TENM1: variants seen among roughly 807,000 people sequenced by gnomAD.
TENM1 encodes the protein teneurin-1.
TENM1 carries 35 observed loss-of-function variants against 174.8 expected under a neutral mutation model. The observed-to-expected ratio is 0.20, with a 90% CI of 0.15 to 0.27. The LOEUF (loss-of-function observed/expected upper bound fraction) is 0.27, where lower values mean the gene tolerates loss of function less well. Ranked by LOEUF, TENM1 falls within the 10% of genes least tolerant of loss-of-function variation. The pLI is 1.00. For missense variants in TENM1, 1,633 were observed against 2,130.1 expected (o/e 0.77, Z 4.59); for synonymous variants, 781 against 798.7 (o/e 0.98, Z 0.37).
the TENM1 span, among the ~76,000 whole-genome samples, chrX:125,200,563 T>C: frequency 1.6e-3 from 180 of 110,001 alleles, 1 homozygote; most frequent in Non-Finnish European, 1.8e-3. Flanking sequence ...AACAAATATA[T>C]ATAATTTTAA....
chrX:124,475,651 C>T (rs1183641124), intron 22 of TENM1, among the ~76,000 whole-genome samples: 1 of 111,872 alleles, frequency 8.9e-6, no homozygotes, highest in Admixed American at 9.5e-5. Context: ...TACTCTCTGG[C>T]TTCCTGGACA....
At chrX:124,384,917 T>A (rs1484946511) in intron 29 of TENM1, 63 bp from the exon 33 acceptor site, 46 of 1,036,463 alleles carry the variant, frequency 4.4e-5, no homozygotes, top group Non-Finnish European at 6.0e-5. Context: ...GTCAGAAAGG[T>A]CTAGTGTTAT....
chrX:124,751,515 A>T (rs2054067305), intron 3 of TENM1, among the ~76,000 whole-genome samples: 1 of 110,287 alleles, frequency 9.1e-6, no homozygotes. Context: ...TTATACTTTA[A>T]GTTTTAGGGT....
At chrX:124,978,015 AGAGAGAG>A in the TENM1 span, among the ~76,000 whole-genome samples, 5 of 87,340 alleles carry the variant, frequency 5.7e-5, no homozygotes, top group Non-Finnish European at 8.8e-5. Flanking sequence ...AGAGAGAGAG[AGAGAGAG>A]ATCTTTTTCC....
exon 4 of TENM1, chrX:124,737,080 C>T: frequency 1.7e-6 from 2 of 1,211,370 alleles, no homozygotes; most frequent in Non-Finnish European, 2.2e-6. Flanking sequence ...CATTGATCTC[C>T]TCTGAAGAGA....
chrX:124,415,828 A>G (rs1057257777), intron 25 of TENM1, among the ~76,000 whole-genome samples: 2 of 111,824 alleles, frequency 1.8e-5, no homozygotes, highest in African/African-American at 6.5e-5. Context: ...GCCTGCATCA[A>G]TGTGATGCCA....
chrX:125,152,967 T>C, the TENM1 span, among the ~76,000 whole-genome samples: 1 of 111,987 alleles, frequency 8.9e-6, no homozygotes, highest in Non-Finnish European at 1.9e-5. Flanking sequence ...CTTAGTAATA[T>C]TCAGTTACCG....
chrX:124,455,358 C>T (rs2061093430), intron 22 of TENM1, among the ~76,000 whole-genome samples: 1 of 111,900 alleles, frequency 8.9e-6, no homozygotes, highest in Non-Finnish European at 1.9e-5. Context: ...TTATTTTAAT[C>T]TCCAGAACAT....
rs763355830 is a variant in TENM1, at chrX:124,467,892, A to G, written c.3949+13840T>C. Reference sequence around the variant, plus strand: ...TTCCGCCTCAGCCTCCCGAGTAGCTAGGATTACAGGCACACGCCACCATGC... The same window carrying G: ...TTCCGCCTCAGCCTCCCGAGTAGCTGGGATTACAGGCACACGCCACCATGC... On this transcript the variant is annotated intron_variant, in intron 22 of 31. Coordinates refer to ENST00000422452, the Ensembl canonical transcript of TENM1. Among the ~76,000 whole-genome samples the G allele has an allele frequency of 6.4e-5, 7 of 109,156 alleles. No individual in the cohort carries two copies. The East Asian group carries it at 1.5e-3, about 23-fold the overall frequency. 94.8% of individuals were successfully genotyped at this position (109,156 alleles called of 115,157 possible).
At chrX:125,137,360 T>C in the TENM1 span, among the ~76,000 whole-genome samples, 4 of 109,639 alleles carry the variant, frequency 3.6e-5, no homozygotes, top group East Asian at 1.2e-3. Context: ...TAAAAAGCAA[T>C]AAAAACATTT....
intron 5 of TENM1, among the ~76,000 whole-genome samples, chrX:124,682,811 A>T (rs1431149974): frequency 1.8e-5 from 2 of 111,174 alleles, no homozygotes; most frequent in Non-Finnish European, 3.8e-5. Flanking sequence ...CAAAATTGTC[A>T]ATGTCATCTA....
At chrX:124,651,030 CAT>C (rs1251599792) in intron 8 of TENM1, among the ~76,000 whole-genome samples, 1 of 112,185 alleles carries the variant, frequency 8.9e-6, no homozygotes, top group Non-Finnish European at 1.9e-5. Flanking sequence ...TCTTCCTAAA[CAT>C]ATGGCTGAAC....
At chrX:124,600,938 T>C (rs2050012453) in intron 11 of TENM1, among the ~76,000 whole-genome samples, 1 of 111,953 alleles carries the variant, frequency 8.9e-6, no homozygotes, top group African/African-American at 3.2e-5. Context: ...ACATTAGTAA[T>C]GTATGAATGT....
chrX:124,739,757 T>G (rs1467722355), intron 3 of TENM1, among the ~76,000 whole-genome samples: 1 of 112,458 alleles, frequency 8.9e-6, no homozygotes, highest in African/African-American at 3.2e-5. Context: ...ATAGACTGCA[T>G]GTTTCTTAGA....
intron 16 of TENM1, among the ~76,000 whole-genome samples, chrX:124,527,878 G>A (rs2048017541): frequency 9.9e-6 from 1 of 101,476 alleles, no homozygotes; most frequent in South Asian, 4.7e-4. Flanking sequence ...GGACAGTCTC[G>A]ATCTCCTGAC....
intron 3 of TENM1, among the ~76,000 whole-genome samples, chrX:124,749,943 A>T (rs1265615133): frequency 1.8e-5 from 2 of 111,888 alleles, no homozygotes; most frequent in African/African-American, 6.5e-5. Flanking sequence ...AGTGCCTGGT[A>T]CATGTGACAC....
At chrX:124,803,601 G>C (rs1292712325) in intron 3 of TENM1, among the ~76,000 whole-genome samples, 1 of 112,107 alleles carries the variant, frequency 8.9e-6, no homozygotes, top group Non-Finnish European at 1.9e-5. Flanking sequence ...TACTTACCTA[G>C]TTGTATGCTT....
chrX:124,972,658 C>T, the TENM1 span, among the ~76,000 whole-genome samples: 23 of 111,991 alleles, frequency 2.1e-4, no homozygotes, highest in South Asian at 1.8e-3. Context: ...TTTGGTTTCA[C>T]GTGGAAACAG....
At chrX:124,968,650 C>G (rs1312308511), upstream of TENM1, among the ~76,000 whole-genome samples, 6 of 111,795 alleles carry the variant, frequency 5.4e-5, no homozygotes, top group Non-Finnish European at 1.1e-4. Flanking sequence ...GTAGTATAAA[C>G]TAAGAGAAAA....
Sources: allele counts gnomAD v4.1 joint callset (sites outside exome capture counted in the v4.1 genomes callset), GRCh38; gene constraint gnomAD v4.1.1; transcripts MANE v1.5; gene names NCBI Gene and HGNC (gene_info 2026-07-23, HGNC 2026-07-21).